The following TRIM63 variants were observed in gnomAD, a reference collection of about 807,000 sequenced individuals.
The protein encoded by TRIM63 is tripartite motif containing 63.
In TRIM63, 48 loss-of-function variants were observed where a neutral mutation model predicts 46.0. The ratio of observed to expected loss-of-function variants is 1.04; its 90% CI spans 0.83 to 1.33. The LOEUF is 1.33. Among genes scored for constraint, TRIM63 ranks in the 40% most tolerant of loss-of-function variants. TRIM63 has a pLI of 0.00. For synonymous variants in TRIM63, 175 were observed against 162.8 expected (o/e 1.08, Z -0.57); for missense variants, 455 against 441.2 (o/e 1.03, Z -0.28).
In TRIM63 at chr1:26,057,303, G is replaced by T. The variant is rs751559570; in HGVS notation, c.879C>A (p.Cys293Ter). 36 of 1,613,998 alleles carry T rather than the reference G, an allele frequency of 2.2e-5. No homozygotes were observed. The highest frequency in any genetic ancestry group is 3.1e-5 in the Non-Finnish European group (36 of 1,180,022). The change falls in exon 7 of 9, where the codon TGC becomes TGA. Residue 293 changes from cysteine (C) to a stop codon, truncating the protein, a stop_gained. Coordinates refer to ENST00000374272, the MANE Select transcript of TRIM63 (RefSeq NM_032588.4). LOFTEE classifies it high-confidence loss of function. The stretch of plus-strand genomic sequence containing the variant: ...AGCCCTGCTCTGTCTTCCCCAGCTG[G>T]CAGCCCTTGGAAGCTTCCACAATGC... ...IKSIVEASKG[C>*]QLGKTEQGFE...
Position 26,057,287 on chromosome 1 carries a change from C to A in TRIM63, c.895G>T (p.Glu299Ter). The change falls in exon 7 of 9, where the codon GAG becomes TAG. Residue 299 changes from glutamate (E) to a stop codon, truncating the protein, a stop_gained. Transcript: ENST00000374272. LOFTEE classifies it high-confidence loss of function. Reference protein sequence around the residue: ...ASKGCQLGKTEQGFENMDFFT... With the variant: ...ASKGCQLGKT ...AAGTCCATGTTCTCAAAGCCCTGCT[C>A]TGTCTTCCCCAGCTGGCAGCCCTTG... The A allele has an allele frequency of 6.2e-7, 1 of 1,614,218 alleles. No homozygotes were observed. The highest frequency in any genetic ancestry group is 8.5e-7 in the Non-Finnish European group (1 of 1,180,044).
At chr1:26,054,696 G>GTCGC (rs1193599780) in intron 7 of TRIM63, among the ~76,000 whole-genome samples, 19 of 152,156 alleles carry the variant, frequency 1.2e-4, no homozygotes. Context: ...GCCAGGCTTG[G>GTCGC]TCGCTCACAC....
chr1:26,058,643 G>A lies in TRIM63; in HGVS notation c.598-20C>T, dbSNP rs2050594904. 2 of 1,609,180 alleles carry A rather than the reference G, an allele frequency of 1.2e-6. No individual in the cohort carries two copies. Among genetic ancestry groups the A allele is most frequent in the Non-Finnish European group, 1.7e-6 (2 of 1,176,064 alleles). On this transcript the variant is annotated intron_variant, in intron 4 of 8. Coordinates refer to ENST00000374272, the MANE Select transcript of TRIM63 (RefSeq NM_032588.4). ...GTTCTCCTGAGGACGGAAGTCTTGT[G>A]GTCACGTTCTGTAGGGTCTTTATTC... is the stretch of plus-strand genomic sequence containing the variant.
At chr1:26,063,142 T>C (rs3008223) in intron 2 of TRIM63, among the ~76,000 whole-genome samples, 40,216 of 151,844 alleles carry the variant, frequency 0.26, 7,290 homozygotes, top group African/African-American at 0.52. Flanking sequence ...GATTCACAGA[T>C]ACACTGCAGC....
chr1:26,061,210 C>A lies in TRIM63; in HGVS notation c.457G>T (p.Ala153Ser), dbSNP rs754459680. The A allele has an allele frequency of 6.2e-7, 1 of 1,614,162 alleles. No homozygotes were observed. The highest frequency in any genetic ancestry group is 8.5e-7 in the Non-Finnish European group (1 of 1,180,028). Residue 153 changes from alanine (A) to serine (S), a missense_variant, in exon 3 of 9, where the codon GCC becomes TCC. Coordinates refer to ENST00000374272, the MANE Select transcript of TRIM63 (RefSeq NM_032588.4). ...CTCTGCAATGGGGCCACCTCGCAGG[C>A]CTTGTGGATCCCAAACACCTTGCAC... ...SMCKVFGIHK[A>S]CEVAPLQSVF...
chr1:26,060,145 C>A, intron 4 of TRIM63, 121 bp downstream of exon 4: 1 of 725,038 alleles, frequency 1.4e-6, no homozygotes, highest in Non-Finnish European at 2.4e-6. Flanking sequence ...GCCATCCCTG[C>A]TTGACCGCCC....
At chr1:26,066,206 G>C (rs1569749386) in intron 2 of TRIM63, 62 bp downstream of exon 2, 2 of 1,577,866 alleles carry the variant, frequency 1.3e-6, no homozygotes, top group East Asian at 4.5e-5. Flanking sequence ...AAGGAGCGTG[G>C]GGGATCTAGG....
rs200277313 is a variant in TRIM63, at chr1:26,067,326, C to T, written c.159+10G>A. ...TGGGGACCCCAAATGAAGCTGCACC[C>T]GGCACTTACCTGGAAGATGTCATTG... On this transcript the variant is annotated intron_variant, in intron 1 of 8. Coordinates refer to ENST00000374272, the MANE Select transcript of TRIM63 (RefSeq NM_032588.4). 1.0e-4 allele frequency: 161 copies of T among 1,613,112 alleles called. No homozygotes were observed. The highest frequency in any genetic ancestry group is 1.3e-4 in the Non-Finnish European group (150 of 1,179,894).
intron 8 of TRIM63, 120 bp from the exon 9 acceptor site, chr1:26,052,003 C>T (rs1483577986): frequency 1.2e-6 from 1 of 814,004 alleles, no homozygotes; most frequent in African/African-American, 1.8e-5. Context: ...ACTCCAATTC[C>T]TCCCGGTCTC....
rs2050687547 is a variant in TRIM63, at chr1:26,067,338, G to A, written c.157C>T (p.Gln53Ter). ...LCRKCANDIFQAANPYWTSRG... is the reference protein window; with the variant it reads ...LCRKCANDIF ...ATGAAGCTGCACCCGGCACTTACCT[G>A]GAAGATGTCATTGGCACACTTCCGG... The change falls in exon 1 of 9, where the codon CAG (glutamine) becomes TAG (stop). Residue 53 changes from glutamine (Q) to a stop codon, truncating the protein, a stop_gained and splice_region_variant. Transcript: ENST00000374272. LOFTEE classifies it high-confidence loss of function. 1.2e-6 allele frequency: 2 copies of A among 1,613,910 alleles called. No individual in the cohort carries two copies. Among genetic ancestry groups the A allele is most frequent in the Non-Finnish European group, 8.5e-7 (1 of 1,179,990 alleles).
chr1:26,066,702 C>T (rs1407502649), intron 1 of TRIM63, among the ~76,000 whole-genome samples: 1 of 152,208 alleles, frequency 6.6e-6, no homozygotes, highest in Non-Finnish European at 1.5e-5. Flanking sequence ...GCAACCTTAT[C>T]TGTGTAGGCC....
Position 26,060,261 on chromosome 1 carries a change from C to T in TRIM63, c.597+5G>A, listed in dbSNP as rs759115780. The T allele has an allele frequency of 1.9e-6, 3 of 1,613,254 alleles. No individual in the cohort carries two copies. In the Admixed American group the frequency reaches 5.0e-5, roughly 27 times the overall value. On this transcript the variant is annotated splice_donor_5th_base_variant and intron_variant, in intron 4 of 8. Transcript: ENST00000374272. ...TCCCCAGGCAGGACTATTCTGTCCG[C>T]TCACCTTGGTCACTCGACGGGAATC...
At chr1:26,061,478 T>C in intron 2 of TRIM63, 144 bp from the exon 3 acceptor site, 1 of 848,856 alleles carries the variant, frequency 1.2e-6, no homozygotes, top group South Asian at 1.7e-5. Flanking sequence ...AGTGTGTCTG[T>C]GAATCTCCAG....
At chr1:26,058,113 C>A (rs544200869) in intron 5 of TRIM63, among the ~76,000 whole-genome samples, 3 of 152,282 alleles carry the variant, frequency 2.0e-5, no homozygotes, top group African/African-American at 7.2e-5. Context: ...AGTGCCTGGC[C>A]TACAGTAGGG....
chr1:26,060,119 G>A (rs1449667538), intron 4 of TRIM63, 147 bp downstream of exon 4: 2 of 607,444 alleles, frequency 3.3e-6, no homozygotes, highest in East Asian at 2.8e-5. Flanking sequence ...TGGATGAATG[G>A]ATTAGTCCCT....
Position 26,060,332 on chromosome 1 carries a change from C to T in TRIM63, c.531G>A (p.Leu177=), listed in dbSNP as rs1283544052. The T allele has an allele frequency of 6.2e-7, 1 of 1,614,082 alleles. No homozygotes were observed. The highest frequency in any genetic ancestry group is 1.7e-5 in the Admixed American group (1 of 60,020). The change falls in exon 4 of 9, where the codon CTG becomes CTA. Residue 177 remains leucine (L), a synonymous_variant. Coordinates refer to ENST00000374272, the MANE Select transcript of TRIM63 (RefSeq NM_032588.4). The part of the protein sequence containing the change: ...KTELNNCISM[L]VAGNDRVQTI... ...TCTGCACACGGTCATTCCCCGCCAC[C>T]AGCATGGAGATACAGTTATTCAGTT...
At chr1:26,066,654 G>C (rs1342647549) in intron 1 of TRIM63, among the ~76,000 whole-genome samples, 2 of 152,180 alleles carry the variant, frequency 1.3e-5, no homozygotes, top group Admixed American at 6.5e-5. Context: ...GGAGACCTGG[G>C]TTCAAGTCAT....
chr1:26,059,742 G>T (rs2050605955), intron 4 of TRIM63, among the ~76,000 whole-genome samples: 1 of 152,092 alleles, frequency 6.6e-6, no homozygotes, highest in Non-Finnish European at 1.5e-5. Flanking sequence ...GGATAGAAAA[G>T]TTCCCTTCTG....
intron 8 of TRIM63, 101 bp downstream of exon 8, chr1:26,053,792 C>T: frequency 1.1e-6 from 1 of 891,768 alleles, no homozygotes; most frequent in Non-Finnish European, 1.8e-6. Context: ...TTCTGAGCGT[C>T]ATTGCCAATG....
Sources: gnomAD v4.1 joint callset for allele counts (sites outside exome capture counted in the v4.1 genomes callset) on GRCh38, gnomAD v4.1.1 for gene constraint, MANE v1.5 for transcripts, NCBI Gene and HGNC (gene_info 2026-07-23, HGNC 2026-07-21) for gene names.